Variants in RNF141 observed in about 807,000 individuals in gnomAD.
The protein encoded by RNF141 is ring finger protein 141.
Under a neutral mutation model 27.4 loss-of-function variants are expected in RNF141, and 18 were observed. The ratio of observed to expected loss-of-function variants is 0.66; its 90% CI spans 0.45 to 0.97. The LOEUF (loss-of-function observed/expected upper bound fraction) is 0.97. RNF141 is among the 50% of genes least tolerant of loss of function. The pLI is 0.00. For missense variants in RNF141, 230 were observed against 279.4 expected (o/e 0.82, Z 1.26); for synonymous variants, 97 against 96.6 (o/e 1.00, Z -0.02).
At position 10,511,903 on chromosome 11, in the gene RNF141, T is replaced by C. The variant is rs1472158799; in HGVS notation, c.*3013A>G. 6.5e-6 allele frequency: 1 copy of C among 152,678 alleles called. No individual in the cohort carries two copies. Among genetic ancestry groups the C allele is most frequent in the African/African-American group, 2.4e-5 (1 of 41,468 alleles). The allele number at this position is 152,678 out of a possible 1,614,324, so 9.5% of individuals were successfully genotyped here. ...TAGTATATTAGAATGTGAAATTACA[T>C]AGGAAAATAATCTCTTCAATTAGCT... On this transcript the variant is annotated 3_prime_UTR_variant, in exon 6 of 6. Transcript: ENST00000265981.
At chr11:10,521,459 A>G (rs1423460504) in intron 4 of RNF141, among the ~76,000 whole-genome samples, 1 of 152,208 alleles carries the variant, frequency 6.6e-6, no homozygotes, top group African/African-American at 2.4e-5. Flanking sequence ...TACTTTTGTA[A>G]TAATATAAAA....
intron 4 of RNF141, among the ~76,000 whole-genome samples, chr11:10,520,793 G>T (rs761604128): frequency 6.6e-6 from 1 of 152,100 alleles, no homozygotes; most frequent in African/African-American, 2.4e-5. Context: ...TGGCTACGAC[G>T]TCCACAGGCA....
At chr11:10,535,055 G>C (rs887938591) in intron 1 of RNF141, among the ~76,000 whole-genome samples, 5 of 144,016 alleles carry the variant, frequency 3.5e-5, no homozygotes, top group Non-Finnish European at 6.0e-5. Flanking sequence ...CCCAAAATCA[G>C]ATGCCCCCCC....
chr11:10,527,572 G>C (rs1394677445), intron 3 of RNF141, among the ~76,000 whole-genome samples: 1 of 151,956 alleles, frequency 6.6e-6, no homozygotes, highest in Non-Finnish European at 1.5e-5. Context: ...ACGGTGAGGT[G>C]GGAATAGAAT....
intron 4 of RNF141, among the ~76,000 whole-genome samples, chr11:10,523,217 C>A (rs1849903956): frequency 6.6e-6 from 1 of 152,202 alleles, no homozygotes; most frequent in Admixed American, 6.5e-5. Flanking sequence ...GACTCTCAGG[C>A]TCCTCCTCAA....
At position 10,531,748 on chromosome 11, in the gene RNF141, T is replaced by A. The variant is rs535517662; in HGVS notation, c.144-997A>T. The A allele has an allele frequency of 2.1e-5, 4 of 193,042 alleles. No homozygotes were observed. The South Asian group carries it at 3.0e-4, about 15-fold the overall frequency. The allele number at this position is 193,042 out of a possible 1,614,324, so 12.0% of individuals were successfully genotyped here. On this transcript the variant is annotated intron_variant, in intron 2 of 5. Transcript: ENST00000265981. ...GTTCCCTTTTATCATTACTAACAAC[T>A]CTCTCTGAGCACCAGTGGGGATATC...
At chr11:10,523,405 G>A (rs1198499136) in intron 4 of RNF141, among the ~76,000 whole-genome samples, 2 of 152,196 alleles carry the variant, frequency 1.3e-5, no homozygotes, top group South Asian at 2.1e-4. Flanking sequence ...GAAATGGGCC[G>A]ATAATTGTAC....
At chr11:10,516,100 ACT>A (rs1849841092) in intron 5 of RNF141, 1 of 152,154 alleles carries the variant, frequency 6.6e-6, no homozygotes, top group Non-Finnish European at 1.5e-5. Flanking sequence ...AAAATTTAGA[ACT>A]CTGTTCCAAA....
intron 2 of RNF141, 142 bp downstream of exon 2, chr11:10,533,874 T>C: frequency 1.5e-6 from 1 of 682,550 alleles, no homozygotes; most frequent in Non-Finnish European, 2.4e-6. Flanking sequence ...TTATAATAGA[T>C]ACTCAATAAG....
chr11:10,527,942 A>C (rs1234925789), intron 3 of RNF141, among the ~76,000 whole-genome samples: 1 of 152,196 alleles, frequency 6.6e-6, no homozygotes, highest in Admixed American at 6.5e-5. Flanking sequence ...GACAAAGAAA[A>C]GCCAAGAATG....
intron 3 of RNF141, 121 bp from the exon 4 acceptor site, chr11:10,525,494 A>T: frequency 1.5e-6 from 1 of 686,626 alleles, no homozygotes. Context: ...AGGATTTGCA[A>T]ATTACATAAG....
Position 10,534,163 on chromosome 11 carries a change from A to G in RNF141, c.-5T>C, listed in dbSNP as rs1246468329. 3.7e-6 allele frequency: 6 copies of G among 1,611,212 alleles called. No homozygotes were observed. Among genetic ancestry groups the G allele is most frequent in the Middle Eastern group, 3.3e-4 (2 of 6,050 alleles). On this transcript the variant is annotated 5_prime_UTR_variant, in exon 2 of 6. Transcript: ENST00000265981. ...ATCCGAAATTTGCTGTCCCATGATG[A>G]AAAGATGTCTTTCAAAATCCAGAGT...
intron 1 of RNF141, among the ~76,000 whole-genome samples, chr11:10,538,892 T>A (rs754580207): frequency 6.6e-6 from 1 of 152,234 alleles, no homozygotes; most frequent in African/African-American, 2.4e-5. Flanking sequence ...AACAGTGGTA[T>A]TGCATAGAAA....
chr11:10,520,893 C>T (rs1356843396), intron 4 of RNF141, among the ~76,000 whole-genome samples: 2 of 152,168 alleles, frequency 1.3e-5, no homozygotes, highest in African/African-American at 4.8e-5. Context: ...TGATACATGA[C>T]CATATAATTT....
chr11:10,531,083 TAAAAA>T (rs1591500096), intron 2 of RNF141, among the ~76,000 whole-genome samples: 1 of 151,654 alleles, frequency 6.6e-6, no homozygotes, highest in African/African-American at 2.4e-5. Flanking sequence ...ATCAGGGACT[TAAAAA>T]AAAGGTTGGC....
rs757506564 is a variant in RNF141, at chr11:10,512,720, G to C, written c.*2196C>G. 14 of 151,464 alleles carry C rather than the reference G, an allele frequency of 9.2e-5. No individual in the cohort carries two copies. Among genetic ancestry groups the C allele is most frequent in the Admixed American group, 2.6e-4 (4 of 15,212 alleles). 9.4% of individuals were successfully genotyped at this position (151,464 alleles called of 1,614,324 possible). A position where few individuals can be genotyped will look rare whatever the true frequency, so the allele number is the denominator to read the frequency against. On this transcript the variant is annotated 3_prime_UTR_variant, in exon 6 of 6. Transcript: ENST00000265981. ...TTCCATGGAATACTAAGAATCTATGGAGGAGATACAGGGTTCTGCAAATTT... is the reference window on the plus strand; with the variant it reads ...TTCCATGGAATACTAAGAATCTATGCAGGAGATACAGGGTTCTGCAAATTT...
intron 5 of RNF141, 84 bp downstream of exon 5, chr11:10,518,950 A>G: frequency 1.1e-6 from 1 of 907,858 alleles, no homozygotes; most frequent in Non-Finnish European, 1.8e-6. Flanking sequence ...ACTTAACTAC[A>G]GTATTTTTGC....
intron 2 of RNF141, among the ~76,000 whole-genome samples, chr11:10,531,250 CTG>C (rs1230395328): frequency 6.6e-6 from 1 of 151,854 alleles, no homozygotes; most frequent in Non-Finnish European, 1.5e-5. Context: ...TGGCGTACAC[CTG>C]TAATCCCAGC....
rs1849809875 is a variant in RNF141, at chr11:10,512,546, T to C, written c.*2370A>G. The C allele has an allele frequency of 6.6e-6, 1 of 152,564 alleles. No individual in the cohort carries two copies. The highest frequency in any genetic ancestry group is 1.5e-5 in the Non-Finnish European group (1 of 68,032). The allele number at this position is 152,564 out of a possible 1,614,324, so 9.5% of individuals were successfully genotyped here. ...CTATCCCTGGAAAGATCCAAAACTC[T>C]GTAAGGTAACTCTGTTCACTTTTCA... On this transcript the variant is annotated 3_prime_UTR_variant, in exon 6 of 6. Coordinates refer to ENST00000265981, the MANE Select transcript of RNF141 (RefSeq NM_016422.4).
Sources: allele counts gnomAD v4.1 joint callset (sites outside exome capture counted in the v4.1 genomes callset), GRCh38; gene constraint gnomAD v4.1.1; transcripts MANE v1.5; gene names NCBI Gene and HGNC (gene_info 2026-07-23, HGNC 2026-07-21).